Variants in UGGT1 observed in about 807,000 individuals in gnomAD.
The protein encoded by UGGT1 is UDP-glucose:glycoprotein glucosyltransferase 1.
In UGGT1, 107 loss-of-function variants were observed where a neutral mutation model predicts 203.9. The ratio of observed to expected loss-of-function variants is 0.52; its 90% CI spans 0.45 to 0.62. UGGT1 has a LOEUF of 0.62. Among genes scored for constraint, UGGT1 ranks in the 20% least tolerant of loss-of-function variants. The probability of loss-of-function intolerance (pLI) is 0.00; values close to 1 mark genes in which losing one functional copy is unlikely to be tolerated. For missense variants in UGGT1, 1,673 were observed against 1,867.2 expected (o/e 0.90, Z 1.92); for synonymous variants, 628 against 653.5 (o/e 0.96, Z 0.59).
intron 9 of UGGT1, among the ~76,000 whole-genome samples, chr2:128,120,905 T>G (rs536704851): frequency 6.6e-6 from 1 of 152,212 alleles, no homozygotes; most frequent in Non-Finnish European, 1.5e-5. Flanking sequence ...ATTGTAAATT[T>G]AGAAAAGGGA....
intron 17 of UGGT1, 45 bp from the exon 18 acceptor site, chr2:128,145,758 A>G: frequency 1.4e-6 from 2 of 1,480,452 alleles, no homozygotes; most frequent in South Asian, 1.5e-5. Flanking sequence ...CATTTGTCTC[A>G]CAAAAGGCAA....
intron 32 of UGGT1, among the ~76,000 whole-genome samples, chr2:128,177,288 G>A (rs896719297): frequency 3.3e-5 from 5 of 152,070 alleles, no homozygotes; most frequent in African/African-American, 1.2e-4. Context: ...TCTGAATGTT[G>A]AAGCTCTTAG....
intron 16 of UGGT1, among the ~76,000 whole-genome samples, chr2:128,141,354 G>A (rs1380871338): frequency 6.6e-6 from 1 of 151,960 alleles, no homozygotes; most frequent in Admixed American, 6.6e-5. Context: ...TAGTACTTTG[G>A]GGAGGCCGAG....
intron 26 of UGGT1, among the ~76,000 whole-genome samples, 179 bp from the exon 27 acceptor site, chr2:128,170,109 T>A (rs1691016792): frequency 6.6e-6 from 1 of 152,206 alleles, no homozygotes; most frequent in Admixed American, 6.5e-5. Context: ...TCAGATCCAT[T>A]ATTAAGGTTT....
At chr2:128,097,664 T>G in intron 2 of UGGT1, 100 bp downstream of exon 2, 2 of 1,444,326 alleles carry the variant, frequency 1.4e-6, no homozygotes, top group Non-Finnish European at 1.9e-6. Flanking sequence ...TATCATCAAA[T>G]GCATTTATGA....
In UGGT1 at chr2:128,160,610, T is replaced by A; in HGVS notation, c.2694+19T>A. The A allele has an allele frequency of 4.4e-6, 7 of 1,603,398 alleles. No individual in the cohort carries two copies. Among genetic ancestry groups the A allele is most frequent in the Non-Finnish European group, 4.3e-6 (5 of 1,174,258 alleles). ...TGGAAGGGTGAGGATTTGTCAAGCT[T>A]GACTTCACATTAGATCCGTGAACAG... On this transcript the variant is annotated intron_variant, in intron 24 of 40. Transcript: ENST00000259253.
At position 128,191,554 on chromosome 2, in the gene UGGT1, G is replaced by C. The variant is rs1283281223; in HGVS notation, c.*1812G>C. On this transcript the variant is annotated 3_prime_UTR_variant, in exon 41 of 41. Coordinates refer to ENST00000259253, the MANE Select transcript of UGGT1 (RefSeq NM_020120.4). ...CAGAGCAGCTGGAAAGATGGGATCA[G>C]TAAGATTAAAAAACTTTTGTTCGGC... 1 of 152,362 alleles carries C rather than the reference G, an allele frequency of 6.6e-6. No homozygotes were observed. The highest frequency in any genetic ancestry group is 1.5e-5 in the Non-Finnish European group (1 of 68,184). The allele number at this position is 152,362 out of a possible 1,614,324, so 9.4% of individuals were successfully genotyped here.
At position 128,161,154 on chromosome 2, in the gene UGGT1, A is replaced by G; in HGVS notation, c.2711A>G (p.Glu904Gly). 1 of 1,613,960 alleles carries G rather than the reference A, an allele frequency of 6.2e-7. No individual in the cohort carries two copies. The highest frequency in any genetic ancestry group is 1.1e-5 in the South Asian group (1 of 91,076). Reference protein sequence around the residue: ...ISNGRIIGPLEDSELFNQDDF... With the variant: ...ISNGRIIGPLGDSELFNQDDF... ...CCTTCACAGATCATTGGGCCACTGG[A>G]GGATAGTGAGCTCTTTAATCAAGAC... The change falls in exon 25 of 41, where the codon GAG becomes GGG. Residue 904 changes from glutamate to glycine, a missense_variant. Coordinates refer to ENST00000259253, the MANE Select transcript of UGGT1 (RefSeq NM_020120.4).
rs769315625 is a variant in UGGT1, at chr2:128,187,640, A to C, written c.4642+26A>C. 2.5e-6 allele frequency: 4 copies of C among 1,579,076 alleles called. No individual in the cohort carries two copies. The East Asian group carries it at 6.8e-5, about 27-fold the overall frequency. ...GTAAGCACAAACCGTTGGTTTTAGG[A>C]CAGTACTTCTTTCCATTTCTGATTT... On this transcript the variant is annotated intron_variant, in intron 40 of 40. Coordinates refer to ENST00000259253, the MANE Select transcript of UGGT1 (RefSeq NM_020120.4).
intron 4 of UGGT1, among the ~76,000 whole-genome samples, 167 bp from the exon 5 acceptor site, chr2:128,109,467 C>G (rs1687751874): frequency 6.6e-6 from 1 of 152,090 alleles, no homozygotes; most frequent in South Asian, 2.1e-4. Context: ...AGTGATGCTC[C>G]CACTCTGGTC....
chr2:128,168,062 C>G (rs1342966332), intron 26 of UGGT1, among the ~76,000 whole-genome samples: 2 of 152,142 alleles, frequency 1.3e-5, no homozygotes, highest in African/African-American at 4.8e-5. Flanking sequence ...TTCTAGAATT[C>G]TAGAATAGCA....
Position 128,145,539 on chromosome 2 carries a change from TAC to T in UGGT1, c.1852-255_1852-254del, listed in dbSNP as rs1174119194. ...ACACACACACATACACAAACACACG[TAC>T]ACACACACGCACTTCATAATTTGCA... On this transcript the variant is annotated intron_variant, in intron 17 of 40. Coordinates refer to ENST00000259253, the MANE Select transcript of UGGT1 (RefSeq NM_020120.4). 8.1e-4 allele frequency: 272 copies of T among 337,758 alleles called. 7 individuals are homozygous for T. The highest frequency in any genetic ancestry group is 8.0e-3 in the South Asian group (190 of 23,682). The allele number at this position is 337,758 out of a possible 1,614,324, so 20.9% of individuals were successfully genotyped here.
At chr2:128,177,970 A>G (rs1691481219) in intron 33 of UGGT1, 50 bp downstream of exon 33, 1 of 1,472,676 alleles carries the variant, frequency 6.8e-7, no homozygotes, top group African/African-American at 1.4e-5. Flanking sequence ...CTGAGATATA[A>G]GCACCATCCA....
chr2:128,129,460 G>A (rs1457426528), intron 13 of UGGT1, among the ~76,000 whole-genome samples: 12 of 149,608 alleles, frequency 8.0e-5, no homozygotes, highest in East Asian at 7.9e-4. Flanking sequence ...GTGCAGTGGC[G>A]CGATCTTGGC....
intron 15 of UGGT1, among the ~76,000 whole-genome samples, chr2:128,137,592 A>G (rs1170115550): frequency 6.6e-6 from 1 of 152,164 alleles, no homozygotes; most frequent in African/African-American, 2.4e-5. Context: ...TCTTTCATGG[A>G]TTGTGCTTTT....
In UGGT1 at chr2:128,170,241, G is replaced by A; in HGVS notation, c.2922-47G>A. On this transcript the variant is annotated intron_variant, in intron 26 of 40. Transcript: ENST00000259253. ...GTTATATTGTACAAAAAAAACTTTT[G>A]TTTCCTGTGTCCTCCAGGTTAATGT... 2.5e-6 allele frequency: 4 copies of A among 1,572,524 alleles called. 1 individual carries two copies. The South Asian group carries it at 3.3e-5, about 13-fold the overall frequency.
intron 8 of UGGT1, among the ~76,000 whole-genome samples, chr2:128,119,350 G>A (rs5025670): frequency 0.9 from 136,788 of 151,928 alleles, 62,359 homozygotes; most frequent in Non-Finnish European, 0.98. Context: ...CCAGCACTTT[G>A]GGAGGCTGAG....
At chr2:128,122,875 A>G (rs1359944778) in intron 10 of UGGT1, among the ~76,000 whole-genome samples, 2 of 152,236 alleles carry the variant, frequency 1.3e-5, no homozygotes, top group Non-Finnish European at 2.9e-5. Context: ...GGTGTATTCA[A>G]CATTATCCTT....
At chr2:128,125,380 A>G (rs1688558259) in intron 11 of UGGT1, among the ~76,000 whole-genome samples, 1 of 152,052 alleles carries the variant, frequency 6.6e-6, no homozygotes, top group African/African-American at 2.4e-5. Context: ...TTAGCTAATA[A>G]TCACCCCTTG....
Sources: allele counts gnomAD v4.1 joint callset (sites outside exome capture counted in the v4.1 genomes callset), GRCh38; gene constraint gnomAD v4.1.1; transcripts MANE v1.5; gene names NCBI Gene and HGNC (gene_info 2026-07-23, HGNC 2026-07-21).